Variants in VIP observed in about 807,000 individuals in gnomAD.
The protein encoded by VIP is VIP peptides.
VIP carries 18 observed loss-of-function variants against 20.1 expected under a neutral mutation model. That is an observed-to-expected ratio of 0.90 (90% CI 0.62 to 1.33). VIP has a LOEUF of 1.33. Among genes scored for constraint, VIP ranks in the 40% most tolerant of loss-of-function variants. VIP has a pLI of 0.00. For missense variants in VIP, 209 were observed against 199.4 expected, an observed-to-expected ratio of 1.05 and a Z score of -0.29; for synonymous variants, 70 against 68.1, an observed-to-expected ratio of 1.03 and a Z score of -0.14.
In VIP at chr6:152,754,718, G is replaced by A. The variant is rs115433827; in HGVS notation, c.230+430G>A. ...CAGACCAAGTAGCTCTATAGTACTT[G>A]GTACAGACAAAGTATAAAAGGTGCT... On this transcript the variant is annotated intron_variant, in intron 3 of 6. Coordinates refer to ENST00000367244, the MANE Select transcript of VIP (RefSeq NM_003381.4). Among the ~76,000 whole-genome samples the A allele has an allele frequency of 4.2e-3, 641 of 151,864 alleles. 8 individuals carry two copies. Among genetic ancestry groups the A allele is most frequent in the African/African-American group, 0.015 (613 of 41,434 alleles).
chr6:152,757,667 A>T (rs2099730636), intron 6 of VIP, among the ~76,000 whole-genome samples: 1 of 151,964 alleles, frequency 6.6e-6, no homozygotes, highest in Non-Finnish European at 1.5e-5. Flanking sequence ...TCTGGGTCTA[A>T]CTATATTCCT....
chr6:152,755,736 A>G (rs955957726), intron 4 of VIP, among the ~76,000 whole-genome samples: 1 of 152,050 alleles, frequency 6.6e-6, no homozygotes, highest in Middle Eastern at 3.4e-3. Context: ...AATTAAATGG[A>G]GAATTCCAAA....
intron 5 of VIP, 113 bp from the exon 6 acceptor site, chr6:152,756,983 C>T (rs2099730522): frequency 4.4e-6 from 4 of 914,584 alleles, no homozygotes; most frequent in Non-Finnish European, 6.6e-6. Context: ...TGTTTAGCCT[C>T]CCCATACACT....
intron 3 of VIP, among the ~76,000 whole-genome samples, chr6:152,755,024 G>A (rs559020459): frequency 6.6e-6 from 1 of 151,968 alleles, no homozygotes; most frequent in Non-Finnish European, 1.5e-5. Context: ...ATATTGAAAT[G>A]TGCTCCTAGA....
intron 6 of VIP, among the ~76,000 whole-genome samples, chr6:152,757,997 G>A (rs1366827278): frequency 6.6e-6 from 1 of 151,930 alleles, no homozygotes; most frequent in East Asian, 1.9e-4. Context: ...AGATTTTAAA[G>A]GGCTATGGAG....
intron 2 of VIP, 113 bp from the exon 3 acceptor site, chr6:152,754,053 G>T: frequency 1.7e-6 from 2 of 1,175,114 alleles, no homozygotes; most frequent in South Asian, 4.0e-5. Context: ...CTCATATTAT[G>T]ACTGGGTAAT....
rs1227996781 is a variant in VIP, at chr6:152,750,805, G to A, written c.-165G>A. The A allele has an allele frequency of 1.3e-5, 2 of 152,194 alleles. No homozygotes were observed. The highest frequency in any genetic ancestry group is 2.9e-5 in the Non-Finnish European group (2 of 68,082). 9.4% of individuals were successfully genotyped at this position (152,194 alleles called of 1,614,324 possible). ...GCTTTGAAATGCTGGTCAGGGTAGAGTGAGAAGCACCAGCAGGCAGTAACA... is the reference window on the plus strand; with the variant it reads ...GCTTTGAAATGCTGGTCAGGGTAGAATGAGAAGCACCAGCAGGCAGTAACA... On this transcript the variant is annotated 5_prime_UTR_variant, in exon 1 of 7. The change creates a new upstream start codon in the 5' untranslated region. Coordinates refer to ENST00000367244, the MANE Select transcript of VIP (RefSeq NM_003381.4).
chr6:152,752,882 T>C (rs567533011), intron 2 of VIP, among the ~76,000 whole-genome samples: 4 of 152,284 alleles, frequency 2.6e-5, no homozygotes, highest in South Asian at 4.1e-4. Flanking sequence ...CTATATGTTA[T>C]ATTATATATT....
Position 152,754,107 on chromosome 6 carries a change from C to A in VIP, c.108-59C>A, listed in dbSNP as rs575235236. 2.3e-5 allele frequency: 36 copies of A among 1,561,772 alleles called. No homozygotes were observed. The Admixed American group carries it at 4.8e-4, about 21-fold the overall frequency. The stretch of plus-strand genomic sequence containing the variant: ...TATCTTATTTTAAATGGTTGCGGAA[C>A]CATACACACTGTCTTCTGAAAAAAG... On this transcript the variant is annotated intron_variant, in intron 2 of 6. Transcript: ENST00000367244.
At chr6:152,751,815 A>C (rs1370088137) in intron 1 of VIP, among the ~76,000 whole-genome samples, 2 of 152,158 alleles carry the variant, frequency 1.3e-5, no homozygotes, top group African/African-American at 4.8e-5. Context: ...AATGTCTTGA[A>C]GCTGTTTCCT....
Position 152,757,133 on chromosome 6 carries a change from G to A in VIP, c.505G>A (p.Glu169Lys), listed in dbSNP as rs2099730544. 5 of 1,611,500 alleles carry A rather than the reference G, an allele frequency of 3.1e-6. No individual in the cohort carries two copies. The Admixed American group carries it at 5.0e-5, about 16-fold the overall frequency. The change falls in exon 6 of 7, where the codon GAA becomes AAA. Residue 169 changes from glutamate to lysine, a missense_variant. Glu to Lys is a moderately conservative substitution (Grantham distance 56). Transcript: ENST00000367244. ...ATCTCCCGACTTTCCAGAAGAGTTA[G>A]AAAAATGATGAAAAAGACCTTTGGA... ...GESPDFPEEL[E>K]K
Position 152,750,869 on chromosome 6 carries a change from G to T in VIP, c.-101G>T, listed in dbSNP as rs2099729506. 6.6e-6 allele frequency: 1 copy of T among 152,228 alleles called. No homozygotes were observed. Among genetic ancestry groups the T allele is most frequent in the Non-Finnish European group, 1.5e-5 (1 of 68,076 alleles). The allele number at this position is 152,228 out of a possible 1,614,324, so 9.4% of individuals were successfully genotyped here. On this transcript the variant is annotated 5_prime_UTR_variant, in exon 1 of 7. Coordinates refer to ENST00000367244, the MANE Select transcript of VIP (RefSeq NM_003381.4). ...CATTGCTAAGGGCAGAGAACTGGTGGAGCCTTTCTCTTACTCCCAGGACTT... is the reference window on the plus strand; with the variant it reads ...CATTGCTAAGGGCAGAGAACTGGTGTAGCCTTTCTCTTACTCCCAGGACTT...
chr6:152,752,173 C>G lies in VIP; in HGVS notation c.-5C>G. The stretch of plus-strand genomic sequence containing the variant: ...AGGTGATTCTCTCTCTTTAGAGGCA[C>G]AGAAATGGACACCAGAAATAAGGCC... On this transcript the variant is annotated 5_prime_UTR_variant, in exon 2 of 7. Coordinates refer to ENST00000367244, the MANE Select transcript of VIP (RefSeq NM_003381.4). The G allele has an allele frequency of 6.2e-7, 1 of 1,612,490 alleles. No individual in the cohort carries two copies. The highest frequency in any genetic ancestry group is 2.2e-5 in the East Asian group (1 of 44,820).
chr6:152,753,159 C>A (rs1209713602), intron 2 of VIP, among the ~76,000 whole-genome samples: 3 of 152,076 alleles, frequency 2.0e-5, no homozygotes, highest in Non-Finnish European at 4.4e-5. Context: ...TGTTTAAATA[C>A]AGCTCCTGCG....
chr6:152,752,315 C>T (rs777869959), intron 2 of VIP, 31 bp downstream of exon 2: 3 of 1,544,814 alleles, frequency 1.9e-6, no homozygotes, highest in African/African-American at 2.7e-5. Flanking sequence ...AACATCTGAA[C>T]ATTCCTTCCT....
chr6:152,755,954 A>G (rs1228187298), intron 4 of VIP, among the ~76,000 whole-genome samples, 180 bp from the exon 5 acceptor site: 1 of 151,950 alleles, frequency 6.6e-6, no homozygotes, highest in Admixed American at 6.6e-5. Flanking sequence ...AAAATATGGC[A>G]GATGATTCCT....
In VIP at chr6:152,757,076, A is replaced by T; in HGVS notation, c.468-20A>T. On this transcript the variant is annotated intron_variant, in intron 5 of 6. Transcript: ENST00000367244. The stretch of plus-strand genomic sequence containing the variant: ...CTCATCTGAGAGCCTTAATATGTAC[A>T]ATGTTTTTCTGGTCTGCAGCAGTGA... 6.2e-7 allele frequency: 1 copy of T among 1,611,214 alleles called. No homozygotes were observed. The highest frequency in any genetic ancestry group is 8.5e-7 in the Non-Finnish European group (1 of 1,178,316).
At position 152,756,410 on chromosome 6, in the gene VIP, C is replaced by T. The variant is rs1010222565; in HGVS notation, c.467+145C>T. The T allele has an allele frequency of 4.0e-5, 38 of 940,120 alleles. No homozygotes were observed. In the African/African-American group the frequency reaches 4.8e-4, roughly 12 times the overall value. 58.2% of individuals were successfully genotyped at this position (940,120 alleles called of 1,614,324 possible). A position where few individuals can be genotyped will look rare whatever the true frequency, so the allele number is the denominator to read the frequency against. ...AACCTTGGCTGACATTAGACTACCC[C>T]GCAGAACTTTAAAAATACAGATGTC... On this transcript the variant is annotated intron_variant, in intron 5 of 6. Transcript: ENST00000367244.
chr6:152,755,403 A>G (rs1565405391), intron 4 of VIP, 30 bp downstream of exon 4: 17 of 1,315,072 alleles, frequency 1.3e-5, no homozygotes, highest in Non-Finnish European at 1.8e-5. Flanking sequence ...TTTATAAAAT[A>G]TGTTATCATT....
Sources: gnomAD v4.1 joint callset for allele counts (sites outside exome capture counted in the v4.1 genomes callset) on GRCh38, gnomAD v4.1.1 for gene constraint, MANE v1.5 for transcripts, NCBI Gene and HGNC (gene_info 2026-07-23, HGNC 2026-07-21) for gene names.